The following MUC15 variants were observed in gnomAD, a reference collection of about 807,000 sequenced individuals.
MUC15 encodes the protein mucin-15.
Under a neutral mutation model 24.0 loss-of-function variants are expected in MUC15, and 23 were observed. The ratio of observed to expected loss-of-function variants is 0.96; its 90% confidence interval spans 0.69 to 1.36. The LOEUF (loss-of-function observed/expected upper bound fraction) is 1.36. MUC15 is among the 40% of genes most tolerant of loss of function. The probability of loss-of-function intolerance (pLI) is 0.00; values close to 1 mark genes in which losing one functional copy is unlikely to be tolerated. For missense variants in MUC15, 442 were observed against 428.2 expected (o/e 1.03, Z -0.29); for synonymous variants, 151 against 156.3 (o/e 0.97, Z 0.25).
At chr11:26,568,410 T>C (rs545138000) in intron 1 of MUC15, among the ~76,000 whole-genome samples, 1 of 151,698 alleles carries the variant, frequency 6.6e-6, no homozygotes, top group South Asian at 2.1e-4. Flanking sequence ...GTTTGTAACA[T>C]AAGTTGCAAA....
intron 3 of MUC15, among the ~76,000 whole-genome samples, chr11:26,564,728 C>CATAT (rs1850474307): frequency 5.5e-5 from 2 of 36,178 alleles, no homozygotes; most frequent in African/African-American, 1.3e-4. Context: ...CACACACACA[C>CATAT]ACACATATAT....
At position 26,560,471 on chromosome 11, in the gene MUC15, C is replaced by A. The variant is rs1315818844; in HGVS notation, c.*594G>T. 6.6e-6 allele frequency: 1 copy of A among 152,298 alleles called. No individual in the cohort carries two copies. The highest frequency in any genetic ancestry group is 1.5e-5 in the Non-Finnish European group (1 of 68,112). 9.4% of individuals were successfully genotyped at this position (152,298 alleles called of 1,614,324 possible). On this transcript the variant is annotated 3_prime_UTR_variant, in exon 5 of 5. Transcript: ENST00000529533. Reference sequence around the variant, plus strand: ...CCCCGTTGAATGCAGTCATTGTCAGCTTCATAACTCAGTGGGCTGATCATG... The same window carrying A: ...CCCCGTTGAATGCAGTCATTGTCAGATTCATAACTCAGTGGGCTGATCATG...
At position 26,559,370 on chromosome 11, in the gene MUC15, C is replaced by T. The variant is rs573702053; in HGVS notation, c.*1695G>A. The T allele has an allele frequency of 1.1e-5, 2 of 177,462 alleles. No individual in the cohort carries two copies. Among genetic ancestry groups the T allele is most frequent in the Non-Finnish European group, 2.4e-5 (2 of 84,102 alleles). 11.0% of individuals were successfully genotyped at this position (177,462 alleles called of 1,614,324 possible). Reference sequence around the variant, plus strand: ...AGGAATTGCAACTAGGAATGCCTCACCTGAAAAACTAATTTCATACAACTT... The same window carrying T: ...AGGAATTGCAACTAGGAATGCCTCATCTGAAAAACTAATTTCATACAACTT... On this transcript the variant is annotated 3_prime_UTR_variant, in exon 5 of 5. Transcript: ENST00000529533.
chr11:26,563,294 A>T, intron 3 of MUC15, 29 bp from the exon 4 acceptor site: 1 of 1,562,080 alleles, frequency 6.4e-7, no homozygotes, highest in Admixed American at 2.0e-5. Flanking sequence ...TTAAAGAAAT[A>T]TAAAATAATT....
intron 3 of MUC15, among the ~76,000 whole-genome samples, chr11:26,564,781 A>G (rs1850496230): frequency 1.1e-5 from 1 of 94,510 alleles, no homozygotes; most frequent in Non-Finnish European, 2.3e-5. Flanking sequence ...ATATATATAT[A>G]TATAAGTTCA....
At chr11:26,562,282 T>A (rs1414964086) in intron 4 of MUC15, among the ~76,000 whole-genome samples, 1 of 151,978 alleles carries the variant, frequency 6.6e-6, no homozygotes, top group Non-Finnish European at 1.5e-5. Flanking sequence ...TTTACAGATT[T>A]GGTTCTGAAT....
chr11:26,572,013 A>T (rs1167908912), intron 1 of MUC15, 28 bp downstream of exon 1: 5 of 854,448 alleles, frequency 5.9e-6, no homozygotes, highest in Non-Finnish European at 7.0e-6. Context: ...AGAAAGCGAG[A>T]GACCTAAGTG....
At position 26,560,838 on chromosome 11, in the gene MUC15, A is replaced by T. The variant is rs1218872294; in HGVS notation, c.*227T>A. On this transcript the variant is annotated 3_prime_UTR_variant, in exon 5 of 5. Coordinates refer to ENST00000529533, the MANE Select transcript of MUC15 (RefSeq NM_001135091.2). ...TACTAAGAAAATACTACTAAAATAC[A>T]AATTAAGGCTACTTAGTAAATGCCT... 1 of 401,662 alleles carries T rather than the reference A, an allele frequency of 2.5e-6. No homozygotes were observed. The highest frequency in any genetic ancestry group is 2.1e-5 in the African/African-American group (1 of 47,548). 24.9% of individuals were successfully genotyped at this position (401,662 alleles called of 1,614,324 possible).
chr11:26,561,243 T>C lies in MUC15; in HGVS notation c.926-18A>G, dbSNP rs1565105704. 6.3e-7 allele frequency: 1 copy of C among 1,586,922 alleles called. No individual in the cohort carries two copies. The highest frequency in any genetic ancestry group is 8.6e-7 in the Non-Finnish European group (1 of 1,166,392). On this transcript the variant is annotated intron_variant, in intron 4 of 4. Coordinates refer to ENST00000529533, the MANE Select transcript of MUC15 (RefSeq NM_001135091.2). ...TCGCAGAACTAAAAAAGTAACAAAA[T>C]AATACTGTTTCACAGTGATACTCTG...
intron 3 of MUC15, 128 bp from the exon 4 acceptor site, chr11:26,563,393 C>A: frequency 1.2e-6 from 1 of 825,498 alleles, no homozygotes; most frequent in African/African-American, 2.6e-5. Context: ...GTGTTTCTCT[C>A]TCTGTGTGTG....
rs953962601 is a variant in MUC15 at position 26,560,923 on chromosome 11, C to G, written c.*142G>C. 2.5e-6 allele frequency: 2 copies of G among 789,230 alleles called. No individual in the cohort carries two copies. Among genetic ancestry groups the G allele is most frequent in the African/African-American group, 3.7e-5 (2 of 54,662 alleles). 48.9% of individuals were successfully genotyped at this position (789,230 alleles called of 1,614,324 possible). On this transcript the variant is annotated 3_prime_UTR_variant, in exon 5 of 5. Transcript: ENST00000529533. ...TGGATGATACATCCTGTCTACATTT[C>G]TGCTACTGGTCTCCTGCTTTTATGA... is the stretch of plus-strand genomic sequence containing the variant.
At chr11:26,565,069 G>GT (rs2134266143) in intron 3 of MUC15, 96 bp downstream of exon 3, 1 of 1,246,480 alleles carries the variant, frequency 8.0e-7, no homozygotes, top group Non-Finnish European at 1.1e-6. Flanking sequence ...GTTCTCTTCT[G>GT]TTTTTCCAGC....
intron 1 of MUC15, among the ~76,000 whole-genome samples, chr11:26,568,472 GT>G (rs35237782): frequency 0.45 from 67,085 of 150,406 alleles, 16,331 homozygotes; most frequent in Non-Finnish European, 0.52. Flanking sequence ...TCCTACCATA[GT>G]TTTTTTTTTT....
rs751536563 is a variant in MUC15, at chr11:26,565,905, AAAT to A, written c.44-12_44-10del. 41 of 1,563,762 alleles carry A rather than the reference AAAT, an allele frequency of 2.6e-5. No individual in the cohort carries two copies. In the East Asian group the frequency reaches 9.2e-4, roughly 35 times the overall value. ...TTTTTTTTTAAAGGAATCTGAAAGAAAATAACCATAATTTGAATTCCTTAAATA... is the reference window on the plus strand; with the variant it reads ...TTTTTTTTTAAAGGAATCTGAAAGAAAACCATAATTTGAATTCCTTAAATA... On this transcript the variant is annotated splice_polypyrimidine_tract_variant and intron_variant, in intron 2 of 4. Transcript: ENST00000529533.
Position 26,565,883 on chromosome 11 carries a change from T to A in MUC15, c.57A>T (p.Lys19Asn), listed in dbSNP as rs747254721. 2.5e-6 allele frequency: 4 copies of A among 1,576,298 alleles called. No homozygotes were observed. In the East Asian group the frequency reaches 9.0e-5, roughly 35 times the overall value. The change falls in exon 3 of 5, where the codon AAA becomes AAT. Residue 19 changes from lysine to asparagine, a missense_variant. By Grantham distance (94) the Lys-to-Asn change is moderately conservative. Coordinates refer to ENST00000529533, the MANE Select transcript of MUC15 (RefSeq NM_001135091.2). ...TTGTAGGCTTCTTTGGTATTGGTTTTTTTTTAAAGGAATCTGAAAGAAAAT... is the reference window on the plus strand; with the variant it reads ...TTGTAGGCTTCTTTGGTATTGGTTTATTTTTAAAGGAATCTGAAAGAAAAT... The part of the protein sequence containing the change: ...ATSRDCYSFK[K>N]KPIPKKPTML...
intron 1 of MUC15, among the ~76,000 whole-genome samples, chr11:26,571,752 G>A (rs751740771): frequency 1.3e-5 from 2 of 152,040 alleles, no homozygotes; most frequent in African/African-American, 4.8e-5. Flanking sequence ...TCATAGTCAC[G>A]TATGTTTTAA....
At chr11:26,561,751 CT>C (rs1850303547) in intron 4 of MUC15, among the ~76,000 whole-genome samples, 1 of 151,924 alleles carries the variant, frequency 6.6e-6, no homozygotes, top group Non-Finnish European at 1.5e-5. Context: ...TTATCATGCA[CT>C]TGAGGTTTTC....
At chr11:26,563,533 A>G (rs1309735003) in intron 3 of MUC15, among the ~76,000 whole-genome samples, 1 of 151,754 alleles carries the variant, frequency 6.6e-6, no homozygotes, top group African/African-American at 2.4e-5. Context: ...TCTTAGCTCT[A>G]TAGCCGTGTC....
Position 26,560,251 on chromosome 11 carries a change from T to C in MUC15, c.*814A>G, listed in dbSNP as rs1451223739. 1 of 153,444 alleles carries C rather than the reference T, an allele frequency of 6.5e-6. No individual in the cohort carries two copies. Among genetic ancestry groups the C allele is most frequent in the Non-Finnish European group, 1.5e-5 (1 of 68,860 alleles). The allele number at this position is 153,444 out of a possible 1,614,324, so 9.5% of individuals were successfully genotyped here. A position where few individuals can be genotyped will look rare whatever the true frequency, so the allele number is the denominator to read the frequency against. On this transcript the variant is annotated 3_prime_UTR_variant, in exon 5 of 5. Coordinates refer to ENST00000529533, the MANE Select transcript of MUC15 (RefSeq NM_001135091.2). ...AGAAATCCAGTTCCTATCTAACAAC[T>C]TAAAACTGTACAAATTATGTACAGG...
Sources: gnomAD v4.1 joint callset for allele counts (sites outside exome capture counted in the v4.1 genomes callset) on GRCh38, gnomAD v4.1.1 for gene constraint, MANE v1.5 for transcripts, NCBI Gene and HGNC (gene_info 2026-07-23, HGNC 2026-07-21) for gene names.